KY: variants seen among roughly 807,000 people sequenced by gnomAD.
KY encodes the protein kyphoscoliosis peptidase.
In KY, 43 loss-of-function variants were observed where a neutral mutation model predicts 76.1. The observed-to-expected ratio is 0.57, with a 90% CI of 0.44 to 0.73. KY has a LOEUF of 0.73. Among genes scored for constraint, KY ranks in the 30% least tolerant of loss-of-function variants. The pLI is 0.00. For synonymous variants in KY, 277 were observed against 326.2 expected, an observed-to-expected ratio of 0.85 and a Z score of 1.63; for missense variants, 722 against 828.9, an observed-to-expected ratio of 0.87 and a Z score of 1.58.
chr3:134,647,889 T>TA (rs1463147937), intron 1 of KY, among the ~76,000 whole-genome samples: 2 of 151,920 alleles, frequency 1.3e-5, no homozygotes, highest in Non-Finnish European at 2.9e-5. Context: ...TGATATAGAG[T>TA]GGGGGGAGTG....
At chr3:134,647,561 A>G in intron 1 of KY, 64 bp from the exon 2 acceptor site, 1 of 958,818 alleles carries the variant, frequency 1.0e-6, no homozygotes, top group Non-Finnish European at 1.7e-6. Context: ...TACCAGTTGC[A>G]GACTTATCTA....
intron 8 of KY, among the ~76,000 whole-genome samples, chr3:134,613,912 A>G (rs921667642): frequency 6.6e-6 from 1 of 152,236 alleles, no homozygotes; most frequent in Non-Finnish European, 1.5e-5. Flanking sequence ...TCATCAAAAG[A>G]TCACTGGCCG....
chr3:134,620,350 A>G lies in KY; in HGVS notation c.592+399T>C, dbSNP rs554880793. Among the ~76,000 whole-genome samples the G allele has an allele frequency of 4.6e-5, 7 of 152,208 alleles. 1 individual carries two copies. The highest frequency in any genetic ancestry group is 1.4e-4 in the African/African-American group (6 of 41,536). ...CCTGGTATTTAATGAACCCTCTGGT[A>G]TTGCAATCACTTTTCAAACAGCTGC... On this transcript the variant is annotated intron_variant, in intron 7 of 10. Coordinates refer to ENST00000423778, the MANE Select transcript of KY (RefSeq NM_178554.6).
In KY at chr3:134,620,916, A is replaced by G. The variant is rs1327603388; in HGVS notation, c.484-59T>C. 3.0e-6 allele frequency: 3 copies of G among 1,016,912 alleles called. No homozygotes were observed. The East Asian group carries it at 7.7e-5, about 26-fold the overall frequency. The allele number at this position is 1,016,912 out of a possible 1,614,324, so 63.0% of individuals were successfully genotyped here. A position where few individuals can be genotyped will look rare whatever the true frequency, so the allele number is the denominator to read the frequency against. ...CTCGAGGAGGGGCTGTTGGGGGCCC[A>G]GCATCTTGCACCTACAGCCAGTGCT... On this transcript the variant is annotated intron_variant, in intron 6 of 10. Transcript: ENST00000423778.
chr3:134,649,402 G>A (rs1433846906), intron 1 of KY, among the ~76,000 whole-genome samples: 2 of 152,198 alleles, frequency 1.3e-5, no homozygotes, highest in Non-Finnish European at 2.9e-5. Context: ...GATCAGAGAG[G>A]ATTGGGAGTA....
At chr3:134,642,153 C>A (rs34334024) in intron 3 of KY, among the ~76,000 whole-genome samples, 38 of 152,272 alleles carry the variant, frequency 2.5e-4, no homozygotes, top group Non-Finnish European at 4.6e-4. Flanking sequence ...GCTGGTAATC[C>A]CAGTTGGCTG....
chr3:134,608,876 T>A, intron 9 of KY, 37 bp from the exon 10 acceptor site: 1 of 1,577,794 alleles, frequency 6.3e-7, no homozygotes, highest in Non-Finnish European at 8.6e-7. Flanking sequence ...GCCAGCTCCA[T>A]GCAGGGGAGG....
In KY at chr3:134,619,114, C is replaced by T. The variant is rs373146530; in HGVS notation, c.710+34G>A. 4.3e-5 allele frequency: 66 copies of T among 1,538,514 alleles called. No homozygotes were observed. In the African/African-American group the frequency reaches 7.0e-4, roughly 16 times the overall value. On this transcript the variant is annotated intron_variant, in intron 8 of 10. Transcript: ENST00000423778. ...TGTGGAAGAGGGAGAGGGATGGGTC[C>T]GGTGGTCAGCATGGGGACTCCTGTC... is the stretch of plus-strand genomic sequence containing the variant.
At position 134,608,578 on chromosome 3, in the gene KY, C is replaced by T. The variant is rs551707234; in HGVS notation, c.1090+71G>A. The T allele has an allele frequency of 2.5e-5, 41 of 1,612,396 alleles. No individual in the cohort carries two copies. The East Asian group carries it at 7.1e-4, about 28-fold the overall frequency. ...CATGCCTTGAAAGCGCAGTCTCAGG[C>T]GGGCTCCTGGAGGACAGTGCGAAAT... On this transcript the variant is annotated intron_variant, in intron 10 of 10. Coordinates refer to ENST00000423778, the MANE Select transcript of KY (RefSeq NM_178554.6).
At chr3:134,644,671 G>A (rs768980370) in intron 2 of KY, among the ~76,000 whole-genome samples, 7 of 152,246 alleles carry the variant, frequency 4.6e-5, no homozygotes. Flanking sequence ...CTGAACAGGT[G>A]CATTTAGATG....
chr3:134,633,215 C>A (rs1027108209), intron 3 of KY, among the ~76,000 whole-genome samples: 1 of 151,954 alleles, frequency 6.6e-6, no homozygotes, highest in South Asian at 2.1e-4. Flanking sequence ...TAGGATCTTT[C>A]GTAAAACAGA....
At chr3:134,644,057 C>T (rs1444252416) in intron 2 of KY, among the ~76,000 whole-genome samples, 1 of 152,096 alleles carries the variant, frequency 6.6e-6, no homozygotes, top group African/African-American at 2.4e-5. Flanking sequence ...GATCTCCTGA[C>T]CTTGTGATTC....
chr3:134,609,977 T>G (rs1960076306), intron 9 of KY, among the ~76,000 whole-genome samples: 1 of 151,734 alleles, frequency 6.6e-6, no homozygotes, highest in African/African-American at 2.4e-5. Context: ...GGAGTCAGAG[T>G]GGGGAGTTTG....
At chr3:134,606,993 C>T in intron 10 of KY, 2 of 983,638 alleles carry the variant, frequency 2.0e-6, no homozygotes, top group Non-Finnish European at 2.4e-6. Flanking sequence ...ATACTCTGTA[C>T]ATAAGTATCA....
Position 134,608,732 on chromosome 3 carries a change from A to G in KY, c.1007T>C (p.Phe336Ser). The change falls in exon 10 of 11, where the codon TTT (phenylalanine) becomes TCT (serine). Residue 336 changes from phenylalanine to serine, a missense_variant. Coordinates refer to ENST00000423778, the MANE Select transcript of KY (RefSeq NM_178554.6). ...ACTCTTGTGATACATGTTGTTCTCAAACTGCCTCAGAGATTGAGGAGGTTT... is the reference window on the plus strand; with the variant it reads ...ACTCTTGTGATACATGTTGTTCTCAGACTGCCTCAGAGATTGAGGAGGTTT... ...LLKPPQSLRQ[F>S]ENNMYHKSEF... The G allele has an allele frequency of 6.2e-7, 1 of 1,614,030 alleles. No individual in the cohort carries two copies. Among genetic ancestry groups the G allele is most frequent in the Non-Finnish European group, 8.5e-7 (1 of 1,179,898 alleles).
chr3:134,646,654 C>T lies in KY; in HGVS notation c.199+781G>A, dbSNP rs75231846. Among the ~76,000 whole-genome samples, 553 of 152,246 alleles carry T rather than the reference C, an allele frequency of 3.6e-3. 2 individuals carry two copies. Among genetic ancestry groups the T allele is most frequent in the African/African-American group, 0.013 (531 of 41,518 alleles). On this transcript the variant is annotated intron_variant, in intron 2 of 10. Coordinates refer to ENST00000423778, the MANE Select transcript of KY (RefSeq NM_178554.6). ...AGTTTAGTCCTATTCATCTGCAATC[C>T]TATTTCCCCATTTGTGTCATGGAGG...
chr3:134,610,092 C>T, intron 9 of KY, 103 bp downstream of exon 9: 1 of 1,295,202 alleles, frequency 7.7e-7, no homozygotes, highest in Non-Finnish European at 1.1e-6. Context: ...CCTGGCTCTC[C>T]TTCCCCTCCC....
At position 134,603,442 on chromosome 3, in the gene KY, G is replaced by A. The variant is rs527329295; in HGVS notation, c.*137C>T. The A allele has an allele frequency of 6.2e-5, 46 of 738,588 alleles. No homozygotes were observed. In the South Asian group the frequency reaches 6.7e-4, roughly 11 times the overall value. The allele number at this position is 738,588 out of a possible 1,614,324, so 45.8% of individuals were successfully genotyped here. A position where few individuals can be genotyped will look rare whatever the true frequency, so the allele number is the denominator to read the frequency against. On this transcript the variant is annotated 3_prime_UTR_variant, in exon 11 of 11. Transcript: ENST00000423778. ...AAAGATCACAGCTCCTGTGGCAGAG[G>A]TGGGACACTGAGGCAGAGGCCTAGA...
chr3:134,608,165 T>C, intron 10 of KY: 1 of 1,159,846 alleles, frequency 8.6e-7, no homozygotes, highest in Non-Finnish European at 1.1e-6. Context: ...TGAGGCCATG[T>C]ATTCTCTCCA....
Sources: gnomAD v4.1 joint callset for allele counts (sites outside exome capture counted in the v4.1 genomes callset) on GRCh38, gnomAD v4.1.1 for gene constraint, MANE v1.5 for transcripts, NCBI Gene and HGNC (gene_info 2026-07-23, HGNC 2026-07-21) for gene names.